Variants in IL16 observed in about 807,000 individuals in gnomAD.
IL16 encodes pro-interleukin-16.
In IL16, 67 loss-of-function variants were observed where a neutral mutation model predicts 110.1. The observed-to-expected ratio is 0.61, with a 90% CI of 0.50 to 0.75. IL16 has a LOEUF of 0.75. Among genes scored for constraint, IL16 ranks in the 30% least tolerant of loss-of-function variants. The probability of loss-of-function intolerance (pLI) is 0.00; values close to 1 mark genes in which losing one functional copy is unlikely to be tolerated. For synonymous variants in IL16, 689 were observed against 662.9 expected, an observed-to-expected ratio of 1.04 and a Z score of -0.61; for missense variants, 1,545 against 1,655.0, an observed-to-expected ratio of 0.93 and a Z score of 1.15.
intron 1 of IL16, among the ~76,000 whole-genome samples, chr15:81,219,995 T>C (rs180766231): frequency 1.2e-4 from 19 of 152,296 alleles, no homozygotes; most frequent in African/African-American, 4.3e-4. Flanking sequence ...ATAACAGATA[T>C]GAAACTAACT....
At chr15:81,236,156 A>G (rs890025769) in intron 2 of IL16, among the ~76,000 whole-genome samples, 20 of 152,260 alleles carry the variant, frequency 1.3e-4, no homozygotes, top group African/African-American at 4.6e-4. Flanking sequence ...AGTCGTCTGA[A>G]TCTCTGGCAT....
In IL16 at chr15:81,183,664, A is replaced by T. The variant is rs982653302; in HGVS notation, c.40+768A>T. Among the ~76,000 whole-genome samples, 16 of 152,232 alleles carry T rather than the reference A, an allele frequency of 1.1e-4. No homozygotes were observed. The East Asian group carries it at 2.9e-3, about 27-fold the overall frequency. ...TTCTGACTTTTCTAGCTACAGAAAG[A>T]TATGGCTAGAACCCTGGCATCTACT... On this transcript the variant is annotated intron_variant, in intron 1 of 18. Transcript: ENST00000302987.
chr15:81,273,636 G>C (rs1459584050), intron 6 of IL16, among the ~76,000 whole-genome samples: 1 of 152,040 alleles, frequency 6.6e-6, no homozygotes, highest in Non-Finnish European at 1.5e-5. Flanking sequence ...GGGAAACCAG[G>C]TTCAATGCTT....
At chr15:81,278,663 C>T (rs187374683) in intron 6 of IL16, among the ~76,000 whole-genome samples, 154 bp from the exon 7 acceptor site, 34 of 152,316 alleles carry the variant, frequency 2.2e-4, no homozygotes, top group African/African-American at 7.7e-4. Context: ...CTGCCTGCTT[C>T]GCAAGGGGAG....
intron 2 of IL16, among the ~76,000 whole-genome samples, chr15:81,239,280 A>C (rs945425681): frequency 6.6e-6 from 1 of 152,168 alleles, no homozygotes; most frequent in Non-Finnish European, 1.5e-5. Context: ...TAGGATTAGC[A>C]TGTAGTTCTG....
intron 1 of IL16, among the ~76,000 whole-genome samples, chr15:81,209,823 G>A (rs1246454431): frequency 6.6e-6 from 1 of 152,144 alleles, no homozygotes; most frequent in Non-Finnish European, 1.5e-5. Context: ...TGGCCCAGAT[G>A]AACTCTGCAG....
intron 1 of IL16, among the ~76,000 whole-genome samples, chr15:81,221,603 G>A (rs1342668326): frequency 6.6e-6 from 1 of 152,040 alleles, no homozygotes; most frequent in Non-Finnish European, 1.5e-5. Flanking sequence ...TCGATGCCAG[G>A]CCTGGAGGGA....
At chr15:81,228,862 C>G (rs1167844961) in intron 2 of IL16, among the ~76,000 whole-genome samples, 3 of 152,210 alleles carry the variant, frequency 2.0e-5, no homozygotes, top group African/African-American at 7.2e-5. Context: ...CTGTGTAATC[C>G]TAGACAATCC....
Position 81,252,941 on chromosome 15 carries a change from G to A in IL16, c.313-6831G>A, listed in dbSNP as rs147047215. Among the ~76,000 whole-genome samples, 323 of 152,100 alleles carry A rather than the reference G, an allele frequency of 2.1e-3. 2 individuals carry two copies. The highest frequency in any genetic ancestry group is 0.018 in the Admixed American group (276 of 15,274). On this transcript the variant is annotated intron_variant, in intron 2 of 18. Coordinates refer to ENST00000683961, the MANE Select transcript of IL16 (RefSeq NM_172217.5). ...GAATAATGCTGCTTTGAACTTTTTT[G>A]TACAAGTTTTTGTGTGGTTTTATGT...
chr15:81,299,271 A>T, intron 13 of IL16, 109 bp from the exon 14 acceptor site: 1 of 1,588,238 alleles, frequency 6.3e-7, no homozygotes, highest in Non-Finnish European at 8.5e-7. Context: ...ACTTCTGCTA[A>T]TCTCCTCCTC....
intron 8 of IL16, 61 bp downstream of exon 8, chr15:81,279,835 G>C: frequency 7.0e-7 from 1 of 1,435,406 alleles, no homozygotes; most frequent in South Asian, 1.2e-5. Flanking sequence ...AGTCTCCCAG[G>C]CTTTCCTCAC....
chr15:81,309,862 T>C lies in IL16; in HGVS notation c.*1064T>C. ...TACGGTGTATGGTTCTGTGCCAATGTATTGATAAGAGGGCACACACTGTGT... is the reference window on the plus strand; with the variant it reads ...TACGGTGTATGGTTCTGTGCCAATGCATTGATAAGAGGGCACACACTGTGT... On this transcript the variant is annotated 3_prime_UTR_variant, in exon 19 of 19. Coordinates refer to ENST00000683961, the MANE Select transcript of IL16 (RefSeq NM_172217.5). The C allele has an allele frequency of 6.6e-6, 1 of 152,262 alleles. No homozygotes were observed. Among genetic ancestry groups the C allele is most frequent in the Non-Finnish European group, 1.5e-5 (1 of 68,050 alleles). 9.4% of individuals were successfully genotyped at this position (152,262 alleles called of 1,614,324 possible). A position where few individuals can be genotyped will look rare whatever the true frequency, so the allele number is the denominator to read the frequency against.
chr15:81,193,229 C>A (rs1895525801), upstream of IL16, among the ~76,000 whole-genome samples: 1 of 152,056 alleles, frequency 6.6e-6, no homozygotes, highest in African/African-American at 2.4e-5. Flanking sequence ...TGACAATTAC[C>A]AAAATGTGGA....
chr15:81,291,534 G>A (rs1899717860), intron 11 of IL16, among the ~76,000 whole-genome samples: 1 of 152,156 alleles, frequency 6.6e-6, no homozygotes, highest in South Asian at 2.1e-4. Context: ...GGCTCCTCTG[G>A]CTTTCTTGGT....
chr15:81,187,041 C>A (rs1895430029), intron 1 of IL16, among the ~76,000 whole-genome samples: 1 of 152,188 alleles, frequency 6.6e-6, no homozygotes, highest in African/African-American at 2.4e-5. Flanking sequence ...GCCCCCCTGG[C>A]TTCCTCTCTA....
At chr15:81,269,490 G>C (rs1898536624) in intron 4 of IL16, 48 bp from the exon 5 acceptor site, 4 of 1,276,664 alleles carry the variant, frequency 3.1e-6, no homozygotes, top group Non-Finnish European at 4.6e-6. Context: ...GGCATGTGCT[G>C]CTGTCCTATG....
At position 81,292,836 on chromosome 15, in the gene IL16, A is replaced by G. The variant is rs747202373; in HGVS notation, c.1701A>G (p.Pro567=). The change falls in exon 12 of 19, where the codon CCA becomes CCG. Residue 567 remains proline, a synonymous_variant. Transcript: ENST00000683961. ...CCTCCAGGCTGCCCCAGGAGAGCCCACCCCTCCCAGAGAGCCGGGACAGCC... is the reference window on the plus strand; with the variant it reads ...CCTCCAGGCTGCCCCAGGAGAGCCCGCCCCTCCCAGAGAGCCGGGACAGCC... ...IASSRLPQES[P]PLPESRDSHP... is the part of the protein sequence containing the mutation. The G allele has an allele frequency of 2.0e-5, 32 of 1,612,086 alleles. No homozygotes were observed. The highest frequency in any genetic ancestry group is 1.3e-5 in the Non-Finnish European group (15 of 1,179,598).
chr15:81,288,065 G>T (rs151064035), intron 10 of IL16, among the ~76,000 whole-genome samples: 223 of 152,336 alleles, frequency 1.5e-3, no homozygotes, highest in African/African-American at 5.1e-3. Context: ...AGGCCACAGA[G>T]GTGAGGGCCT....
rs1596014083 is a variant in IL16 at position 81,269,562 on chromosome 15, C to T, written c.589C>T (p.Leu197=). The part of the protein sequence containing the change: ...AAGTSRPTRS[L]STAQLVQPSG... ...GGGAACTTCGAGACCAACACGGTCCCTGAGCACAGCTCAGCTCGTGCAGCC... is the reference window on the plus strand; with the variant it reads ...GGGAACTTCGAGACCAACACGGTCCTTGAGCACAGCTCAGCTCGTGCAGCC... Residue 197 remains leucine (L), a synonymous_variant, in exon 5 of 19, where the codon CTG becomes TTG. Transcript: ENST00000683961. 3.1e-6 allele frequency: 5 copies of T among 1,614,102 alleles called. No homozygotes were observed. Among genetic ancestry groups the T allele is most frequent in the Non-Finnish European group, 3.4e-6 (4 of 1,179,944 alleles).
Sources: allele counts gnomAD v4.1 joint callset (sites outside exome capture counted in the v4.1 genomes callset), GRCh38; gene constraint gnomAD v4.1.1; transcripts MANE v1.5; gene names NCBI Gene and HGNC (gene_info 2026-07-23, HGNC 2026-07-21).